PHTF2: variants seen among roughly 807,000 people sequenced by gnomAD.
PHTF2 encodes the protein putative homeodomain transcription factor 2, also known as protein PHTF2.
In PHTF2, 60 loss-of-function variants were observed where a neutral mutation model predicts 101.2. The ratio of observed to expected loss-of-function variants is 0.59; its 90% CI spans 0.48 to 0.73. The LOEUF (loss-of-function observed/expected upper bound fraction) is 0.73. Ranked by LOEUF, PHTF2 falls within the 30% of genes least tolerant of loss-of-function variation. PHTF2 has a pLI of 0.00. For synonymous variants in PHTF2, 311 were observed against 307.3 expected (o/e 1.01, Z -0.13); for missense variants, 747 against 908.7 (o/e 0.82, Z 2.29).
chr7:77,949,783 T>C, exon 17 of PHTF2: 2 of 1,546,960 alleles, frequency 1.3e-6, no homozygotes, highest in Non-Finnish European at 8.8e-7. Flanking sequence ...TACCCTTGGA[T>C]CAGAAACAAG....
At position 77,934,079 on chromosome 7, in the gene PHTF2, G is replaced by A. The variant is rs995974658; in HGVS notation, c.1339-3631G>A. 3.3e-5 allele frequency among the ~76,000 whole-genome samples: 5 copies of A among 152,250 alleles called. No homozygotes were observed. The East Asian group carries it at 7.7e-4, about 23-fold the overall frequency. On this transcript the variant is annotated intron_variant, in intron 12 of 19. Coordinates refer to ENST00000416283, the Ensembl canonical transcript of PHTF2. ...TGCTTTTAGTTTTACTAGTAGCTAA[G>A]TAATGGAAATTAGCTCCCTTTTACT... is the stretch of plus-strand genomic sequence containing the variant.
exon 3 of PHTF2, chr7:77,854,763 G>C (rs559047848): frequency 2.7e-6 from 2 of 736,650 alleles, no homozygotes; most frequent in South Asian, 2.8e-5. Context: ...CACCGCCCCA[G>C]GCCCACAGCA....
intron 2 of PHTF2, among the ~76,000 whole-genome samples, chr7:77,841,074 A>AATTTTTTTTT (rs1562863302): frequency 1.9e-5 from 1 of 51,418 alleles, no homozygotes. Context: ...GAAAAAACAG[A>AATTTTTTTTT]CTTTTTTTTT....
At chr7:77,832,637 ATAGTT>A (rs1458918438) in intron 1 of PHTF2, among the ~76,000 whole-genome samples, 2 of 152,158 alleles carry the variant, frequency 1.3e-5, no homozygotes, top group Non-Finnish European at 2.9e-5. Flanking sequence ...TTTCTGTAGT[ATAGTT>A]AACAGCAACC....
chr7:77,845,937 G>A (rs1183931653), intron 2 of PHTF2, among the ~76,000 whole-genome samples: 1 of 152,160 alleles, frequency 6.6e-6, no homozygotes, highest in Non-Finnish European at 1.5e-5. Flanking sequence ...CAAGACCAGA[G>A]CACCATCAGA....
rs756484459 is a variant in PHTF2 at position 77,929,101 on chromosome 7, GA to G, written c.1120-7del. 3 of 1,603,622 alleles carry G rather than the reference GA, an allele frequency of 1.9e-6. No homozygotes were observed. Among genetic ancestry groups the G allele is most frequent in the Non-Finnish European group, 2.6e-6 (3 of 1,171,002 alleles). ...TTGTATTAATGTCAAAGAATATCTT[GA>G]TTTCAGGACGCCCCTAAATCGGGTA... On this transcript the variant is annotated splice_region_variant and splice_polypyrimidine_tract_variant and intron_variant, in intron 11 of 19. Coordinates refer to ENST00000416283, the Ensembl canonical transcript of PHTF2.
intron 1 of PHTF2, among the ~76,000 whole-genome samples, chr7:77,807,290 A>C (rs1348027604): frequency 6.6e-6 from 1 of 151,974 alleles, no homozygotes; most frequent in African/African-American, 2.4e-5. Flanking sequence ...TCTATTTTTA[A>C]TCTTTTTGTA....
chr7:77,883,047 T>C (rs547909892), intron 3 of PHTF2, among the ~76,000 whole-genome samples: 1 of 152,078 alleles, frequency 6.6e-6, no homozygotes, highest in East Asian at 1.9e-4. Context: ...GGGTAGCACA[T>C]AAATTGAGTA....
At chr7:77,833,892 G>A (rs1000291310) in intron 1 of PHTF2, among the ~76,000 whole-genome samples, 2 of 152,020 alleles carry the variant, frequency 1.3e-5, no homozygotes, top group Non-Finnish European at 2.9e-5. Flanking sequence ...TTCCATATAT[G>A]TAACACTAAT....
At chr7:77,925,222 C>G (rs931261191) in intron 11 of PHTF2, among the ~76,000 whole-genome samples, 2 of 151,994 alleles carry the variant, frequency 1.3e-5, no homozygotes, top group Non-Finnish European at 2.9e-5. Flanking sequence ...CTTCCACCCC[C>G]CAAGAAAGCA....
In PHTF2 at chr7:77,833,244, A is replaced by G. The variant is rs554668731; in HGVS notation, c.-35-6977A>G. ...CCTTGTTTTAGAAAGAGAAGTGTTA[A>G]TTTTGGCACAGAGGTAGAAAAATGT... On this transcript the variant is annotated intron_variant, in intron 1 of 19. Transcript: ENST00000416283. 3.3e-5 allele frequency among the ~76,000 whole-genome samples: 5 copies of G among 152,358 alleles called. No homozygotes were observed. The East Asian group carries it at 7.7e-4, about 23-fold the overall frequency.
intron 1 of PHTF2, among the ~76,000 whole-genome samples, chr7:77,824,588 G>C (rs1370902758): frequency 6.6e-6 from 1 of 152,076 alleles, no homozygotes; most frequent in East Asian, 1.9e-4. Context: ...ACCATGCCTG[G>C]CTAATTTTTG....
chr7:77,843,221 TTA>T (rs1357602731), intron 2 of PHTF2, among the ~76,000 whole-genome samples: 1 of 152,210 alleles, frequency 6.6e-6, no homozygotes, highest in Non-Finnish European at 1.5e-5. Context: ...GCTTACATTA[TTA>T]TGTTTGTGTA....
chr7:77,931,289 C>G (rs1804537928), intron 12 of PHTF2, among the ~76,000 whole-genome samples: 1 of 152,144 alleles, frequency 6.6e-6, no homozygotes, highest in Non-Finnish European at 1.5e-5. Context: ...AGATTTAAAA[C>G]TTTGGGCGTG....
At chr7:77,873,263 A>T (rs1798667450) in intron 3 of PHTF2, among the ~76,000 whole-genome samples, 1 of 152,192 alleles carries the variant, frequency 6.6e-6, no homozygotes, top group Non-Finnish European at 1.5e-5. Flanking sequence ...GCAGCATTAA[A>T]TGCAGAGTCC....
intron 15 of PHTF2, among the ~76,000 whole-genome samples, chr7:77,941,432 A>G (rs551527728): frequency 6.6e-6 from 1 of 152,176 alleles, no homozygotes; most frequent in South Asian, 2.1e-4. Context: ...TTCGTCCAAA[A>G]TTTCCTCCAT....
intron 1 of PHTF2, among the ~76,000 whole-genome samples, chr7:77,833,845 A>AT (rs1427732865): frequency 1.3e-5 from 2 of 152,054 alleles, no homozygotes; most frequent in Non-Finnish European, 2.9e-5. Context: ...TAAATAAGAT[A>AT]TTTTTTATTT....
chr7:77,818,780 G>C (rs1794052133), intron 1 of PHTF2, among the ~76,000 whole-genome samples: 1 of 152,124 alleles, frequency 6.6e-6, no homozygotes. Flanking sequence ...TTCTGTTTCT[G>C]TGAAGAAAGT....
chr7:77,833,454 C>T (rs966638201), intron 1 of PHTF2, among the ~76,000 whole-genome samples: 1 of 152,080 alleles, frequency 6.6e-6, no homozygotes, highest in Non-Finnish European at 1.5e-5. Flanking sequence ...ATAAAAACTA[C>T]CTTTAAAAAA....
Sources: gnomAD v4.1 joint callset for allele counts (sites outside exome capture counted in the v4.1 genomes callset) on GRCh38, gnomAD v4.1.1 for gene constraint, MANE v1.5 for transcripts, NCBI Gene and HGNC (gene_info 2026-07-23, HGNC 2026-07-21) for gene names.